The following NALF1 variants were observed in gnomAD, a reference collection of about 807,000 sequenced individuals.
NALF1 encodes NALCN channel auxiliary factor 1, also known as family with sequence similarity 155 member A.
A neutral mutation model predicts 48.4 loss-of-function variants in NALF1; 3 were observed. That is an observed-to-expected ratio of 0.06 (90% confidence interval 0.03 to 0.16). The LOEUF is 0.16. Ranked by LOEUF, NALF1 falls within the 10% of genes least tolerant of loss-of-function variation. The probability of loss-of-function intolerance (pLI) is 1.00; values close to 1 mark genes in which losing one functional copy is unlikely to be tolerated. For synonymous variants in NALF1, 262 were observed against 245.7 expected, an observed-to-expected ratio of 1.07 and a Z score of -0.62; for missense variants, 526 against 571.5, an observed-to-expected ratio of 0.92 and a Z score of 0.81.
chr13:107,840,492 T>G (rs1880013552), intron 1 of NALF1, among the ~76,000 whole-genome samples: 1 of 152,184 alleles, frequency 6.6e-6, no homozygotes, highest in African/African-American at 2.4e-5. Context: ...AACATTACAC[T>G]TGCATTTCAG....
At chr13:107,307,635 TAAAAAAAAA>T (rs34252962) in intron 1 of NALF1, among the ~76,000 whole-genome samples, 1 of 117,436 alleles carries the variant, frequency 8.5e-6, no homozygotes, top group East Asian at 2.5e-4. Context: ...CCTTTTTTAT[TAAAAAAAAA>T]AAAAAAAAAA....
chr13:107,638,626 A>G (rs1177321559), intron 1 of NALF1, among the ~76,000 whole-genome samples: 1 of 152,128 alleles, frequency 6.6e-6, no homozygotes, highest in Admixed American at 6.6e-5. Context: ...TGAAGGAAAA[A>G]CTAATAACAG....
rs572567681 is a variant in NALF1, at chr13:107,654,202, T to C, written c.915+211480A>G. On this transcript the variant is annotated intron_variant, in intron 1 of 2. Coordinates refer to ENST00000375915, the MANE Select transcript of NALF1 (RefSeq NM_001080396.3). ...GCTAAATTAGAAATGAAATGGAAGA[T>C]ATTATAACTGACACCACAGAAATAC... Among the ~76,000 whole-genome samples the C allele has an allele frequency of 3.9e-5, 6 of 152,240 alleles. No individual in the cohort carries two copies. The South Asian group carries it at 1.2e-3, about 32-fold the overall frequency.
intron 1 of NALF1, among the ~76,000 whole-genome samples, chr13:107,650,931 G>A (rs1312067471): frequency 4.0e-5 from 6 of 151,876 alleles, no homozygotes. Context: ...TGACGGGGGA[G>A]GGTGGGAGGA....
At chr13:107,530,473 A>G (rs1876590362) in intron 1 of NALF1, among the ~76,000 whole-genome samples, 1 of 152,148 alleles carries the variant, frequency 6.6e-6, no homozygotes, top group Non-Finnish European at 1.5e-5. Context: ...AGACTGAAGC[A>G]AAATCTAAGA....
intron 1 of NALF1, among the ~76,000 whole-genome samples, chr13:107,224,047 G>C (rs572417635): frequency 2.3e-4 from 35 of 152,058 alleles, no homozygotes; most frequent in African/African-American, 8.2e-4. Flanking sequence ...ATTATCAGTT[G>C]ATTATTGATT....
intron 1 of NALF1, among the ~76,000 whole-genome samples, chr13:107,287,318 G>A (rs1182052159): frequency 6.6e-6 from 1 of 152,122 alleles, no homozygotes; most frequent in Non-Finnish European, 1.5e-5. Context: ...TAATCAATCT[G>A]GTTCCCTCTG....
intron 1 of NALF1, among the ~76,000 whole-genome samples, chr13:107,543,012 T>C (rs1397497148): frequency 6.6e-6 from 1 of 152,084 alleles, no homozygotes; most frequent in East Asian, 1.9e-4. Context: ...AACACTATTG[T>C]CATGTTTCTT....
At chr13:107,329,379 G>A (rs1882424888) in intron 1 of NALF1, among the ~76,000 whole-genome samples, 1 of 152,092 alleles carries the variant, frequency 6.6e-6, no homozygotes, top group Non-Finnish European at 1.5e-5. Flanking sequence ...ATGGCAATCT[G>A]ATCTCAACTA....
At chr13:107,267,153 T>TA (rs1400302080) in intron 1 of NALF1, among the ~76,000 whole-genome samples, 1 of 152,220 alleles carries the variant, frequency 6.6e-6, no homozygotes, top group Non-Finnish European at 1.5e-5. Flanking sequence ...GTGCATTTTG[T>TA]TTTCCCTCAA....
At chr13:107,357,751 C>A (rs1191835479) in intron 1 of NALF1, among the ~76,000 whole-genome samples, 1 of 152,148 alleles carries the variant, frequency 6.6e-6, no homozygotes, top group Non-Finnish European at 1.5e-5. Flanking sequence ...AATCTGGAGA[C>A]AATGATGGCA....
At chr13:107,337,067 AAAAAAAAAAAT>A (rs1422142908) in intron 1 of NALF1, among the ~76,000 whole-genome samples, 3 of 72,712 alleles carry the variant, frequency 4.1e-5, no homozygotes, top group African/African-American at 1.1e-4. Context: ...AAAAAAAAAA[AAAAAAAAAAAT>A]GTCAGAAGAA....
chr13:107,703,344 G>C (rs1414552099), intron 1 of NALF1, among the ~76,000 whole-genome samples: 3 of 148,250 alleles, frequency 2.0e-5, no homozygotes, highest in African/African-American at 7.5e-5. Context: ...CAAATGCCTT[G>C]CATGTCTTCA....
intron 1 of NALF1, among the ~76,000 whole-genome samples, chr13:107,725,088 C>T (rs932236466): frequency 2.6e-5 from 4 of 152,226 alleles, no homozygotes; most frequent in African/African-American, 2.4e-5. Flanking sequence ...TACAATTGAC[C>T]GTTGTTTCAC....
At chr13:107,485,698 G>A (rs1885317999) in intron 1 of NALF1, among the ~76,000 whole-genome samples, 1 of 152,118 alleles carries the variant, frequency 6.6e-6, no homozygotes, top group Admixed American at 6.6e-5. Flanking sequence ...ATGAACATTT[G>A]CTCTACAAGA....
chr13:107,490,402 G>T (rs1885396444), intron 1 of NALF1, among the ~76,000 whole-genome samples: 1 of 152,268 alleles, frequency 6.6e-6, no homozygotes, highest in African/African-American at 2.4e-5. Flanking sequence ...ACAAGATGAT[G>T]TTTTTTGCAG....
rs533101968 is a variant in NALF1 at position 107,581,850 on chromosome 13, T to A, written c.915+283832A>T. Reference sequence around the variant, plus strand: ...ACAGTTCATTAAAATAGTCTCCCATTTTTGGTGACTGTTCTCACCTATCGT... The same window carrying A: ...ACAGTTCATTAAAATAGTCTCCCATATTTGGTGACTGTTCTCACCTATCGT... On this transcript the variant is annotated intron_variant, in intron 1 of 2. Coordinates refer to ENST00000375915, the MANE Select transcript of NALF1 (RefSeq NM_001080396.3). Among the ~76,000 whole-genome samples, 9 of 152,328 alleles carry A rather than the reference T, an allele frequency of 5.9e-5. No homozygotes were observed. In the South Asian group the frequency reaches 1.9e-3, roughly 32 times the overall value.
chr13:107,684,346 A>G (rs1881380099), intron 1 of NALF1, among the ~76,000 whole-genome samples: 1 of 152,204 alleles, frequency 6.6e-6, no homozygotes, highest in South Asian at 2.1e-4. Flanking sequence ...AACGAGTGTC[A>G]TACTTGCTTT....
At chr13:107,440,326 C>G (rs1287932246) in intron 1 of NALF1, among the ~76,000 whole-genome samples, 1 of 152,180 alleles carries the variant, frequency 6.6e-6, no homozygotes. Flanking sequence ...AACGTATTAA[C>G]TAAAGCATGG....
Sources: allele counts gnomAD v4.1 joint callset (sites outside exome capture counted in the v4.1 genomes callset), GRCh38; gene constraint gnomAD v4.1.1; transcripts MANE v1.5; gene names NCBI Gene and HGNC (gene_info 2026-07-23, HGNC 2026-07-21).